Variants in BLTP1 observed in about 807,000 individuals in gnomAD.
BLTP1 encodes the protein fragile site-associated protein.
the BLTP1 span, among the ~76,000 whole-genome samples, chr4:122,283,929 T>C: frequency 6.6e-6 from 1 of 152,244 alleles, no homozygotes; most frequent in Non-Finnish European, 1.5e-5. Flanking sequence ...ATATTCAACC[T>C]TCCTATCCTT....
chr4:122,301,048 A>G, the BLTP1 span: 111 of 970,030 alleles, frequency 1.1e-4, no homozygotes, highest in Non-Finnish European at 1.3e-4. Context: ...TGAGATGTAT[A>G]AACACATGTT....
At chr4:122,209,614 C>T in the BLTP1 span, 1 of 364,916 alleles carries the variant, frequency 2.7e-6, no homozygotes, top group East Asian at 1.6e-4. Context: ...CACTGCACTC[C>T]AGCTTGGGCA....
chr4:122,243,465 G>A, the BLTP1 span: 7 of 983,592 alleles, frequency 7.1e-6, no homozygotes, highest in Non-Finnish European at 8.5e-6. Flanking sequence ...TCCAGGCCAG[G>A]CATGGTGGTT....
chr4:122,309,939 A>G, the BLTP1 span, among the ~76,000 whole-genome samples: 1 of 152,118 alleles, frequency 6.6e-6, no homozygotes, highest in East Asian at 1.9e-4. Context: ...ATTCCATAAT[A>G]TTCAAGGTTG....
the BLTP1 span, chr4:122,171,767 T>G: frequency 1.0e-6 from 1 of 975,186 alleles, no homozygotes; most frequent in Non-Finnish European, 1.2e-6. Flanking sequence ...TTTTTCAGAC[T>G]TTTTCCTGTT....
chr4:122,199,841 C>T, the BLTP1 span: 1 of 809,360 alleles, frequency 1.2e-6, no homozygotes, highest in Non-Finnish European at 1.5e-6. Context: ...ATTTATTGTG[C>T]CTTTTACTTG....
chr4:122,233,058 G>A, the BLTP1 span, among the ~76,000 whole-genome samples: 1 of 152,184 alleles, frequency 6.6e-6, no homozygotes, highest in African/African-American at 2.4e-5. Flanking sequence ...CAAACTACCA[G>A]CATCAACATC....
the BLTP1 span, among the ~76,000 whole-genome samples, chr4:122,304,021 T>C: frequency 6.6e-6 from 1 of 152,124 alleles, no homozygotes; most frequent in African/African-American, 2.4e-5. Flanking sequence ...AAGTCTTTCA[T>C]GAAAGGAAGA....
At chr4:122,284,906 G>A in the BLTP1 span, among the ~76,000 whole-genome samples, 6 of 151,998 alleles carry the variant, frequency 3.9e-5, no homozygotes, top group Non-Finnish European at 8.8e-5. Flanking sequence ...CCCAAATAAA[G>A]GGAGATTACT....
At chr4:122,206,585 T>C in the BLTP1 span, among the ~76,000 whole-genome samples, 1 of 151,868 alleles carries the variant, frequency 6.6e-6, no homozygotes, top group Non-Finnish European at 1.5e-5. Flanking sequence ...TGATAATATA[T>C]ATAACACAAA....
chr4:122,217,306 C>G, the BLTP1 span, among the ~76,000 whole-genome samples: 1 of 149,876 alleles, frequency 6.7e-6, no homozygotes, highest in African/African-American at 2.4e-5. Flanking sequence ...CAGATTTGTT[C>G]TTTTTGCTTA....
At chr4:122,316,871 A>G in the BLTP1 span, 2 of 1,526,028 alleles carry the variant, frequency 1.3e-6, no homozygotes, top group East Asian at 4.6e-5. Flanking sequence ...AAGTATGTAC[A>G]ATGATTTTTA....
chr4:122,232,634 C>T, the BLTP1 span, among the ~76,000 whole-genome samples: 2 of 151,970 alleles, frequency 1.3e-5, no homozygotes, highest in Admixed American at 6.6e-5. Context: ...AAACATAAAG[C>T]CCCATCATGA....
At chr4:122,344,361 GT>G in the BLTP1 span, 2 of 1,607,460 alleles carry the variant, frequency 1.2e-6, no homozygotes, top group African/African-American at 1.3e-5. Flanking sequence ...TGGGGGTTGT[GT>G]TTGTTTGTTT....
chr4:122,217,248 A>G, the BLTP1 span, among the ~76,000 whole-genome samples: 6 of 152,180 alleles, frequency 3.9e-5, no homozygotes, highest in Middle Eastern at 3.4e-3. Context: ...TGTTTTGGTA[A>G]TGATAGCCTT....
At chr4:122,279,413 T>C in the BLTP1 span, among the ~76,000 whole-genome samples, 1 of 152,212 alleles carries the variant, frequency 6.6e-6, no homozygotes, top group Non-Finnish European at 1.5e-5. Context: ...CCAAAGGCTT[T>C]TTATAAAGCA....
chr4:122,229,172 A>G, the BLTP1 span: 275 of 1,610,724 alleles, frequency 1.7e-4, 1 homozygote, highest in Non-Finnish European at 2.2e-4. Context: ...GAAATATACT[A>G]TGATTCGTTT....
At chr4:122,189,643 A>G in the BLTP1 span, 1 of 930,950 alleles carries the variant, frequency 1.1e-6, no homozygotes, top group Non-Finnish European at 1.3e-6. Flanking sequence ...TCATCATTCC[A>G]TTGTATTTAA....
the BLTP1 span, chr4:122,174,186 A>G: frequency 1.0e-6 from 1 of 985,274 alleles, no homozygotes; most frequent in Non-Finnish European, 1.2e-6. Flanking sequence ...ACTTCTTTCA[A>G]ACATAAATCG....
Sources: gnomAD v4.1 joint callset for allele counts (sites outside exome capture counted in the v4.1 genomes callset) on GRCh38, gnomAD v4.1.1 for gene constraint, MANE v1.5 for transcripts, NCBI Gene and HGNC (gene_info 2026-07-23, HGNC 2026-07-21) for gene names.